DOP1B: variants seen among roughly 807,000 people sequenced by gnomAD.
DOP1B encodes the protein protein DOP1B.
DOP1B carries 174 observed loss-of-function variants against 233.5 expected under a neutral mutation model. The ratio of observed to expected loss-of-function variants is 0.75; its 90% CI spans 0.66 to 0.85. DOP1B has a LOEUF of 0.85. Among genes scored for constraint, DOP1B ranks in the 40% least tolerant of loss-of-function variants. The pLI, the probability that DOP1B is intolerant of heterozygous loss-of-function variation, is 0.00. For synonymous variants in DOP1B, 1,190 were observed against 1,185.6 expected (o/e 1.00, Z -0.08); for missense variants, 2,652 against 2,846.6 (o/e 0.93, Z 1.56).
chr21:36,269,877 TC>T, intron 26 of DOP1B, 135 bp from the exon 27 acceptor site: 1 of 849,408 alleles, frequency 1.2e-6, no homozygotes, highest in East Asian at 2.5e-5. Context: ...TCAATGTGGC[TC>T]CTAGAAAGCT....
rs547999186 is a variant in DOP1B at position 36,283,936 on chromosome 21, C to CTTT, written c.6160+2347_6160+2349dup. Among the ~76,000 whole-genome samples, 216 of 100,976 alleles carry CTTT rather than the reference C, an allele frequency of 2.1e-3. 4 individuals carry two copies. The highest frequency in any genetic ancestry group is 8.0e-3 in the African/African-American group (200 of 24,970). The allele number at this position is 100,976 out of a possible 152,430, so 66.2% of individuals were successfully genotyped here. A position where few individuals can be genotyped will look rare whatever the true frequency, so the allele number is the denominator to read the frequency against. ...TCAGTCTAAGAGCAGACACCTGTTC[C>CTTT]TTTTTTTTTTTTTTTTTTTTTTTTC... On this transcript the variant is annotated intron_variant, in intron 32 of 36. Transcript: ENST00000691173.
rs747117176 is a variant in DOP1B, at chr21:36,277,067, G to A, written c.5679G>A (p.Val1893=). The A allele has an allele frequency of 2.5e-6, 4 of 1,614,128 alleles. No homozygotes were observed. The highest frequency in any genetic ancestry group is 1.1e-5 in the South Asian group (1 of 91,084). Residue 1893 remains valine (V), a synonymous_variant, in exon 28 of 37, where the codon GTG becomes GTA. Coordinates refer to ENST00000691173, the MANE Select transcript of DOP1B (RefSeq NM_001320714.2). ...SAMVSSSAPS[V]YSVQALSLLA... ...TGGTGTCTTCATCCGCCCCGTCGGT[G>A]TACAGCGTGCAAGCCCTCTCTCTCC... is the stretch of plus-strand genomic sequence containing the variant.
chr21:36,211,462 A>C (rs1046287892), intron 5 of DOP1B, 91 bp from the exon 6 acceptor site: 3 of 1,165,614 alleles, frequency 2.6e-6, no homozygotes, highest in African/African-American at 3.1e-5. Flanking sequence ...GATATAACGC[A>C]GGAGTTTCAA....
intron 11 of DOP1B, among the ~76,000 whole-genome samples, chr21:36,224,950 A>G (rs939321960): frequency 1.3e-5 from 2 of 151,750 alleles, no homozygotes; most frequent in Non-Finnish European, 2.9e-5. Flanking sequence ...GTTCCCTTGG[A>G]TCGTGCTTTT....
chr21:36,162,330 G>A (rs575986292), intron 1 of DOP1B, among the ~76,000 whole-genome samples: 180 of 152,266 alleles, frequency 1.2e-3, no homozygotes, highest in African/African-American at 4.1e-3. Flanking sequence ...GAGTACCTGG[G>A]ACTATAGGCA....
rs766998376 is a variant in DOP1B at position 36,293,325 on chromosome 21, C to A, written c.6651C>A (p.Ile2217=). 4 of 1,612,658 alleles carry A rather than the reference C, an allele frequency of 2.5e-6. No homozygotes were observed. The highest frequency in any genetic ancestry group is 3.3e-4 in the Middle Eastern group (2 of 6,070). ...LELLKLKFGE[I]SSSDEITMKS... is the part of the protein sequence containing the mutation. ...TGGGTTTGTTTTTTCTGCAGGAAAT[C>A]AGTAGCTCTGATGAGATCACCATGA... The change falls in exon 37 of 37, where the codon ATC becomes ATA. Residue 2217 remains isoleucine, a synonymous_variant. Transcript: ENST00000691173.
chr21:36,169,936 G>T (rs937695282), intron 2 of DOP1B: 10 of 770,730 alleles, frequency 1.3e-5, no homozygotes, highest in African/African-American at 1.2e-4. Context: ...CACCATAGGT[G>T]GTGTCTCCAC....
intron 23 of DOP1B, among the ~76,000 whole-genome samples, 173 bp from the exon 24 acceptor site, chr21:36,260,504 A>G (rs1237910986): frequency 6.6e-6 from 1 of 152,194 alleles, no homozygotes; most frequent in Admixed American, 6.5e-5. Flanking sequence ...CATAGGACAC[A>G]CTTGTTTTAA....
chr21:36,261,015 G>A lies in DOP1B; in HGVS notation c.5315+283G>A, dbSNP rs970605154. 2.2e-5 allele frequency: 25 copies of A among 1,154,504 alleles called. No individual in the cohort carries two copies. In the East Asian group the frequency reaches 3.2e-4, roughly 15 times the overall value. 71.5% of individuals were successfully genotyped at this position (1,154,504 alleles called of 1,614,324 possible). On this transcript the variant is annotated intron_variant, in intron 24 of 36. Coordinates refer to ENST00000691173, the MANE Select transcript of DOP1B (RefSeq NM_001320714.2). Reference sequence around the variant, plus strand: ...AAAAGGCTTGGATTTGCATTAAATTGATACAGAAAAAGAAAAAAACCACAT... The same window carrying A: ...AAAAGGCTTGGATTTGCATTAAATTAATACAGAAAAAGAAAAAAACCACAT...
chr21:36,227,364 G>A (rs552478171), intron 12 of DOP1B, among the ~76,000 whole-genome samples: 41 of 151,684 alleles, frequency 2.7e-4, no homozygotes, highest in East Asian at 5.8e-4. Context: ...TGGCTAACAC[G>A]GTGAAACCCC....
intron 1 of DOP1B, chr21:36,164,410 A>G (rs35979666): frequency 0.044 from 7,894 of 178,424 alleles, 240 homozygotes; most frequent in Non-Finnish European, 0.063. Flanking sequence ...CATATAGTCT[A>G]GCAGCTTTGG....
chr21:36,257,819 A>G (rs1029244915), intron 23 of DOP1B, among the ~76,000 whole-genome samples: 2 of 142,322 alleles, frequency 1.4e-5, no homozygotes, highest in Admixed American at 6.9e-5. Context: ...ATGTAGATAG[A>G]TGTAGGTAGG....
chr21:36,235,149 C>G (rs1047545857), intron 15 of DOP1B, among the ~76,000 whole-genome samples: 7 of 152,158 alleles, frequency 4.6e-5, no homozygotes, highest in African/African-American at 1.7e-4. Flanking sequence ...TAGTGCCTGT[C>G]CCTGTTGCAG....
intron 2 of DOP1B, among the ~76,000 whole-genome samples, chr21:36,186,997 A>G (rs543785075): frequency 2.6e-4 from 39 of 152,046 alleles, no homozygotes; most frequent in Middle Eastern, 6.8e-3. Flanking sequence ...CCAGCAAAAC[A>G]TTCCCTCCAC....
chr21:36,230,189 A>T (rs2066742852), intron 13 of DOP1B, among the ~76,000 whole-genome samples: 1 of 152,148 alleles, frequency 6.6e-6, no homozygotes, highest in South Asian at 2.1e-4. Context: ...ATATTTAGAC[A>T]AAAACACAAG....
chr21:36,210,971 C>T (rs944427335), intron 5 of DOP1B, among the ~76,000 whole-genome samples: 11 of 152,306 alleles, frequency 7.2e-5, no homozygotes, highest in Non-Finnish European at 1.5e-4. Context: ...CCTCACAGTG[C>T]CTTTGCTCCC....
In DOP1B at chr21:36,293,692, T is replaced by C; in HGVS notation, c.*121T>C. On this transcript the variant is annotated 3_prime_UTR_variant, in exon 37 of 37. Coordinates refer to ENST00000691173, the MANE Select transcript of DOP1B (RefSeq NM_001320714.2). ...AACAAGCCTATTTCCATTTTGAAAG[T>C]AGATTTCAGGCTAGGTGCGGTGGCT... The C allele has an allele frequency of 8.2e-7, 1 of 1,212,292 alleles. No homozygotes were observed. Among genetic ancestry groups the C allele is most frequent in the South Asian group, 1.5e-5 (1 of 68,634 alleles). 75.1% of individuals were successfully genotyped at this position (1,212,292 alleles called of 1,614,324 possible).
At chr21:36,162,532 C>A (rs1027066457) in intron 1 of DOP1B, among the ~76,000 whole-genome samples, 4 of 151,974 alleles carry the variant, frequency 2.6e-5, no homozygotes, top group African/African-American at 4.8e-5. Flanking sequence ...TAATCACCTC[C>A]CAAAGTCTTC....
chr21:36,237,185 A>G, intron 15 of DOP1B, 77 bp from the exon 16 acceptor site: 2 of 1,585,494 alleles, frequency 1.3e-6, no homozygotes, highest in Non-Finnish European at 1.7e-6. Flanking sequence ...CGGGGCTGGG[A>G]CTGACTGAGT....
Sources: allele counts gnomAD v4.1 joint callset (sites outside exome capture counted in the v4.1 genomes callset), GRCh38; gene constraint gnomAD v4.1.1; transcripts MANE v1.5; gene names NCBI Gene and HGNC (gene_info 2026-07-23, HGNC 2026-07-21).